Variants in HHAT observed in about 807,000 individuals in gnomAD.
The protein encoded by HHAT is hedgehog acyltransferase.
A neutral mutation model predicts 70.8 loss-of-function variants in HHAT; 47 were observed. The observed-to-expected ratio is 0.66, with a 90% CI of 0.53 to 0.85. HHAT has a LOEUF of 0.85. HHAT is among the 40% of genes least tolerant of loss of function. The pLI is 0.00. For missense variants in HHAT, 609 were observed against 604.8 expected (o/e 1.01, Z -0.07); for synonymous variants, 228 against 247.6 (o/e 0.92, Z 0.74).
chr1:210,602,844 C>G (rs149723152), intron 10 of HHAT, among the ~76,000 whole-genome samples: 313 of 152,244 alleles, frequency 2.1e-3, no homozygotes, highest in African/African-American at 7.4e-3. Flanking sequence ...AGGAAACACA[C>G]TATGCAATTC....
At chr1:210,636,766 T>C (rs61827413) in intron 11 of HHAT, among the ~76,000 whole-genome samples, 10,533 of 152,016 alleles carry the variant, frequency 0.069, 519 homozygotes, top group Admixed American at 0.1. Context: ...AACATCCCAA[T>C]TGAAACATCT....
At position 210,329,017 on chromosome 1, in the gene HHAT, C is replaced by G. The variant is rs988990352; in HGVS notation, c.-131C>G. The G allele has an allele frequency of 1.4e-6, 2 of 1,398,322 alleles. No individual in the cohort carries two copies. The highest frequency in any genetic ancestry group is 1.9e-6 in the Non-Finnish European group (2 of 1,076,484). The allele number at this position is 1,398,322 out of a possible 1,614,324, so 86.6% of individuals were successfully genotyped here. A position where few individuals can be genotyped will look rare whatever the true frequency, so the allele number is the denominator to read the frequency against. On this transcript the variant is annotated 5_prime_UTR_variant, in exon 1 of 12. Coordinates refer to ENST00000261458, the MANE Select transcript of HHAT (RefSeq NM_018194.6). ...AAGCCCGCAGCCGCCGCCGATGTCG[C>G]TGGGACTCGGAAGTGCCGAAAGAGG...
At chr1:210,340,255 A>AGGG (rs1558310486) in intron 1 of HHAT, among the ~76,000 whole-genome samples, 2 of 150,212 alleles carry the variant, frequency 1.3e-5, no homozygotes, top group Admixed American at 6.6e-5. Flanking sequence ...AAAAAAAAAA[A>AGGG]AAAAAAAAAA....
chr1:210,348,379 G>T (rs981679074), intron 1 of HHAT, among the ~76,000 whole-genome samples: 2 of 152,184 alleles, frequency 1.3e-5, no homozygotes, highest in African/African-American at 4.8e-5. Context: ...AGGATTACAG[G>T]CATGAGCCAC....
At chr1:210,504,173 T>C (rs2094810893) in intron 8 of HHAT, among the ~76,000 whole-genome samples, 1 of 152,250 alleles carries the variant, frequency 6.6e-6, no homozygotes, top group South Asian at 2.1e-4. Context: ...CTTTTCTTGT[T>C]CATTGCTGTA....
At chr1:210,345,552 C>T (rs1484523515) in intron 1 of HHAT, among the ~76,000 whole-genome samples, 1 of 152,168 alleles carries the variant, frequency 6.6e-6, no homozygotes, top group African/African-American at 2.4e-5. Flanking sequence ...GCTTATTAAT[C>T]TTTAAGTGTA....
At chr1:210,533,954 G>A (rs761612382) in intron 9 of HHAT, among the ~76,000 whole-genome samples, 4 of 152,174 alleles carry the variant, frequency 2.6e-5, no homozygotes, top group Non-Finnish European at 5.9e-5. Flanking sequence ...ATACTCACGG[G>A]TCCCCAAACT....
intron 11 of HHAT, among the ~76,000 whole-genome samples, chr1:210,636,238 G>C (rs949360458): frequency 2.0e-5 from 3 of 152,170 alleles, no homozygotes; most frequent in African/African-American, 7.2e-5. Context: ...ATTTGTGCTT[G>C]TATCTGCCAG....
intron 10 of HHAT, among the ~76,000 whole-genome samples, chr1:210,620,054 C>T (rs1220418783): frequency 6.7e-6 from 1 of 148,598 alleles, no homozygotes; most frequent in Non-Finnish European, 1.5e-5. Context: ...ACACATGAGG[C>T]ATGCCTCCCA....
chr1:210,652,246 C>CA (rs1390691624), intron 11 of HHAT, among the ~76,000 whole-genome samples: 4 of 152,040 alleles, frequency 2.6e-5, no homozygotes, highest in African/African-American at 9.7e-5. Flanking sequence ...ATGGAGGAAT[C>CA]AAAACAAATT....
intron 4 of HHAT, among the ~76,000 whole-genome samples, chr1:210,394,555 T>C (rs1318573704): frequency 1.3e-5 from 2 of 152,172 alleles, no homozygotes; most frequent in Non-Finnish European, 2.9e-5. Context: ...TGTGAACTTT[T>C]TGAGAAGACT....
chr1:210,500,397 G>C (rs2094729901), intron 8 of HHAT, among the ~76,000 whole-genome samples: 1 of 152,156 alleles, frequency 6.6e-6, no homozygotes, highest in Non-Finnish European at 1.5e-5. Context: ...GTGACCTGCT[G>C]GCACCTTTTT....
At chr1:210,551,128 G>C (rs1283200563) in intron 9 of HHAT, among the ~76,000 whole-genome samples, 3 of 149,014 alleles carry the variant, frequency 2.0e-5, no homozygotes, top group African/African-American at 7.5e-5. Context: ...ACTCCATGTG[G>C]CTGGAATAAT....
chr1:210,552,026 T>C (rs1454098147), intron 9 of HHAT, among the ~76,000 whole-genome samples: 6 of 152,238 alleles, frequency 3.9e-5, no homozygotes, highest in Non-Finnish European at 7.3e-5. Context: ...TTGTGCTTCA[T>C]AATCTATGAC....
At chr1:210,370,188 T>A (rs1432282822) in intron 3 of HHAT, among the ~76,000 whole-genome samples, 1 of 128,200 alleles carries the variant, frequency 7.8e-6, no homozygotes, top group Non-Finnish European at 1.7e-5. Flanking sequence ...TTTTTTTTTT[T>A]TCCTGAATGC....
intron 4 of HHAT, among the ~76,000 whole-genome samples, chr1:210,399,442 T>C (rs2091957543): frequency 6.6e-6 from 1 of 152,122 alleles, no homozygotes; most frequent in Non-Finnish European, 1.5e-5. Context: ...TTAGTAGAGA[T>C]GGGGTTTTGC....
chr1:210,517,863 G>C (rs1475893976), intron 9 of HHAT, among the ~76,000 whole-genome samples: 1 of 152,040 alleles, frequency 6.6e-6, no homozygotes, highest in South Asian at 2.1e-4. Context: ...TACTTGTTTT[G>C]TTGCCTCCCC....
chr1:210,550,584 T>A (rs1267052728), intron 9 of HHAT, among the ~76,000 whole-genome samples: 1 of 148,920 alleles, frequency 6.7e-6, no homozygotes, highest in Non-Finnish European at 1.5e-5. Flanking sequence ...AGACTAGGGA[T>A]GAGGGAGAGA....
chr1:210,368,163 A>G (rs2089194202), intron 3 of HHAT, among the ~76,000 whole-genome samples: 2 of 152,170 alleles, frequency 1.3e-5, no homozygotes, highest in Admixed American at 6.5e-5. Context: ...TATGTCAGGT[A>G]TATTGTCATT....
Sources: allele counts gnomAD v4.1 joint callset (sites outside exome capture counted in the v4.1 genomes callset), GRCh38; gene constraint gnomAD v4.1.1; transcripts MANE v1.5; gene names NCBI Gene and HGNC (gene_info 2026-07-23, HGNC 2026-07-21).